The following CSNK1G1 variants were observed in gnomAD, a reference collection of about 807,000 sequenced individuals.
The protein encoded by CSNK1G1 is casein kinase I isoform gamma-1.
CSNK1G1 carries 22 observed loss-of-function variants against 59.6 expected under a neutral mutation model. The ratio of observed to expected loss-of-function variants is 0.37; its 90% CI spans 0.26 to 0.53. The LOEUF is 0.53. Among genes scored for constraint, CSNK1G1 ranks in the 20% least tolerant of loss-of-function variants. CSNK1G1 has a pLI of 0.89. For synonymous variants in CSNK1G1, 179 were observed against 177.1 expected, an observed-to-expected ratio of 1.01 and a Z score of -0.08; for missense variants, 384 against 519.5, an observed-to-expected ratio of 0.74 and a Z score of 2.54.
At chr15:64,184,065 A>T (rs1163035456) in intron 10 of CSNK1G1, among the ~76,000 whole-genome samples, 1 of 151,992 alleles carries the variant, frequency 6.6e-6, no homozygotes, top group Non-Finnish European at 1.5e-5. Flanking sequence ...GCATTTTGGG[A>T]GGCCGAGGTG....
chr15:64,174,980 T>C (rs2081724526), intron 11 of CSNK1G1, among the ~76,000 whole-genome samples: 1 of 151,362 alleles, frequency 6.6e-6, no homozygotes, highest in Admixed American at 6.6e-5. Flanking sequence ...GTACCCAAGC[T>C]CTTTGGGGCA....
Position 64,171,832 on chromosome 15 carries a change from C to T in CSNK1G1, c.*99G>A. On this transcript the variant is annotated 3_prime_UTR_variant, in exon 12 of 12. Coordinates refer to ENST00000303052, the MANE Select transcript of CSNK1G1 (RefSeq NM_022048.5). The surrounding 1 kb of genome is among the most constrained non-coding windows in gnomAD (Gnocchi z 4.8). ...CTTCTTTTTGGTTTGGATATCCACCCTCCCCCAAAGAGGAGTCCCTTCCAA... is the reference window on the plus strand; with the variant it reads ...CTTCTTTTTGGTTTGGATATCCACCTTCCCCCAAAGAGGAGTCCCTTCCAA... 2 of 1,066,076 alleles carry T rather than the reference C, an allele frequency of 1.9e-6. No individual in the cohort carries two copies. Among genetic ancestry groups the T allele is most frequent in the Non-Finnish European group, 2.9e-6 (2 of 686,306 alleles). The allele number at this position is 1,066,076 out of a possible 1,614,324, so 66.0% of individuals were successfully genotyped here. A position where few individuals can be genotyped will look rare whatever the true frequency, so the allele number is the denominator to read the frequency against.
chr15:64,188,643 G>A lies in CSNK1G1; in HGVS notation c.1108-8189C>T, dbSNP rs1214040276. Among the ~76,000 whole-genome samples the A allele has an allele frequency of 2.0e-5, 3 of 152,214 alleles. No individual in the cohort carries two copies. The highest frequency in any genetic ancestry group is 4.4e-5 in the Non-Finnish European group (3 of 68,038). ...ACTGGAAAGCAGTGAGGAAAAGTAA[G>A]CTTGTCTACATTCATTTTAGCCTTA... On this transcript the variant is annotated intron_variant, in intron 10 of 11. Coordinates refer to ENST00000303052, the MANE Select transcript of CSNK1G1 (RefSeq NM_022048.5). This position sits in a 1 kb window ranked among gnomAD's most constrained non-coding sequence, Gnocchi z 4.2.
chr15:64,280,119 G>A (rs1240837467), intron 2 of CSNK1G1, among the ~76,000 whole-genome samples: 1 of 152,074 alleles, frequency 6.6e-6, no homozygotes, highest in Non-Finnish European at 1.5e-5. Flanking sequence ...CTACATTAGA[G>A]GACGATACTG....
At chr15:64,324,905 C>T (rs984427795) in intron 1 of CSNK1G1, among the ~76,000 whole-genome samples, 2 of 152,160 alleles carry the variant, frequency 1.3e-5, no homozygotes, top group Non-Finnish European at 2.9e-5. Context: ...GGAATAAGTA[C>T]ATTTTCATGT....
intron 2 of CSNK1G1, among the ~76,000 whole-genome samples, chr15:64,284,338 T>C (rs1259721164): frequency 1.3e-5 from 2 of 152,202 alleles, no homozygotes; most frequent in Non-Finnish European, 2.9e-5. Flanking sequence ...GAATCAGCTT[T>C]CAGTTTCCAC....
chr15:64,311,980 C>A (rs1896021165), intron 1 of CSNK1G1, among the ~76,000 whole-genome samples: 1 of 152,052 alleles, frequency 6.6e-6, no homozygotes, highest in African/African-American at 2.4e-5. Context: ...GCAAGAGAGC[C>A]AAATCATGAG....
intron 2 of CSNK1G1, 84 bp downstream of exon 2, chr15:64,300,235 T>C: frequency 7.4e-7 from 1 of 1,353,016 alleles, no homozygotes; most frequent in East Asian, 2.3e-5. Context: ...CTTGTAAAAC[T>C]ATAAACGGCT....
intron 4 of CSNK1G1, among the ~76,000 whole-genome samples, chr15:64,230,457 C>T (rs2082531732): frequency 6.6e-6 from 1 of 151,984 alleles, no homozygotes; most frequent in Admixed American, 6.6e-5. Context: ...TGACACCACG[C>T]CTGGCTAATT....
chr15:64,201,747 TGTG>T (rs1567370290), intron 10 of CSNK1G1, among the ~76,000 whole-genome samples: 4,298 of 133,094 alleles, frequency 0.032, 70 homozygotes, highest in South Asian at 0.057. Context: ...TGTGTGTGTG[TGTG>T]TTTATATACT....
At chr15:64,239,069 G>A (rs924940215) in intron 4 of CSNK1G1, among the ~76,000 whole-genome samples, 1 of 152,140 alleles carries the variant, frequency 6.6e-6, no homozygotes, top group Non-Finnish European at 1.5e-5. Flanking sequence ...CACAGAGGCT[G>A]TATCACTAAA....
intron 9 of CSNK1G1, among the ~76,000 whole-genome samples, 161 bp downstream of exon 9, chr15:64,204,280 T>C (rs1346494927): frequency 1.3e-5 from 2 of 151,748 alleles, no homozygotes; most frequent in Non-Finnish European, 1.5e-5. Context: ...GAGCAACCTA[T>C]GGCAACACCC....
In CSNK1G1 at chr15:64,258,596, C is replaced by T. The variant is rs137955973; in HGVS notation, c.222+605G>A. Among the ~76,000 whole-genome samples, 3,545 of 152,002 alleles carry T rather than the reference C, an allele frequency of 0.023. 261 individuals are homozygous for T. The South Asian group carries it at 0.29, about 13-fold the overall frequency. On this transcript the variant is annotated intron_variant, in intron 3 of 11. Transcript: ENST00000303052. ...CATGAAAAAATGGTTTTGTTATCAA[C>T]CTTAAATATAAGATAAAGAATTCTG...
chr15:64,267,123 GGT>G (rs1268978138), intron 2 of CSNK1G1, among the ~76,000 whole-genome samples: 3 of 151,994 alleles, frequency 2.0e-5, no homozygotes, highest in African/African-American at 4.8e-5. Context: ...TGGGCGTGGT[GGT>G]GCACGCCTGT....
intron 2 of CSNK1G1, among the ~76,000 whole-genome samples, chr15:64,297,045 C>T (rs1459881218): frequency 1.3e-5 from 2 of 150,918 alleles, no homozygotes; most frequent in Admixed American, 6.6e-5. Flanking sequence ...TATTTTCCCC[C>T]CTCTTCCTAT....
intron 4 of CSNK1G1, among the ~76,000 whole-genome samples, chr15:64,220,299 T>C (rs2082370504): frequency 6.6e-6 from 1 of 151,804 alleles, no homozygotes; most frequent in South Asian, 2.1e-4. Flanking sequence ...TTCATCTTGC[T>C]GGTCAGGCTG....
chr15:64,206,565 A>C (rs1200686032), intron 7 of CSNK1G1, among the ~76,000 whole-genome samples: 7 of 123,984 alleles, frequency 5.6e-5, no homozygotes, highest in Non-Finnish European at 1.1e-4. Context: ...CCAGCCTGGG[A>C]AACAGAGTGA....
chr15:64,204,412 T>TAA (rs75931046), intron 9 of CSNK1G1, 29 bp downstream of exon 9: 1,860 of 1,395,580 alleles, frequency 1.3e-3, no homozygotes, highest in Middle Eastern at 2.5e-3. Context: ...GTAATGAGGT[T>TAA]AAAAAAAAAA....
At chr15:64,259,401 C>G (rs1466463492) in intron 2 of CSNK1G1, among the ~76,000 whole-genome samples, 160 bp from the exon 3 acceptor site, 4 of 151,166 alleles carry the variant, frequency 2.6e-5, no homozygotes, top group Non-Finnish European at 4.4e-5. Flanking sequence ...ATAATGAGAT[C>G]TAGCAAGGCT....
Sources: gnomAD v4.1 joint callset for allele counts (sites outside exome capture counted in the v4.1 genomes callset) on GRCh38, gnomAD v4.1.1 for gene constraint, Gnocchi (gnomAD v3.1) non-coding constraint, MANE v1.5 for transcripts, NCBI Gene and HGNC (gene_info 2026-07-23, HGNC 2026-07-21) for gene names.